The following MFSD11 variants were observed in gnomAD, a reference collection of about 807,000 sequenced individuals.
The protein encoded by MFSD11 is UNC93-like protein MFSD11.
A neutral mutation model predicts 53.5 loss-of-function variants in MFSD11; 36 were observed. The observed-to-expected ratio is 0.67, with a 90% CI of 0.52 to 0.89. The LOEUF (loss-of-function observed/expected upper bound fraction) is 0.89. MFSD11 is among the 40% of genes least tolerant of loss of function. MFSD11 has a pLI of 0.00. For missense variants in MFSD11, 530 were observed against 543.9 expected (o/e 0.97, Z 0.25); for synonymous variants, 186 against 184.9 (o/e 1.01, Z -0.05).
At chr17:76,737,062 G>C (rs1031504488), upstream of MFSD11, 2 of 1,613,216 alleles carry the variant, frequency 1.2e-6, no homozygotes, top group Admixed American at 1.7e-5. Context: ...ACTTCTCGAA[G>C]ACGCGCCTCA....
rs758045333 is a variant in MFSD11 at position 76,742,019 on chromosome 17, C to A, written c.311C>A (p.Ala104Asp). 6.2e-7 allele frequency: 1 copy of A among 1,614,142 alleles called. No individual in the cohort carries two copies. The highest frequency in any genetic ancestry group is 1.1e-5 in the South Asian group (1 of 91,084). The change falls in exon 4 of 13, where the codon GCC (alanine) becomes GAC (aspartate). Residue 104 changes from alanine (A) to aspartate (D), a missense_variant. Physicochemically the swap from Ala to Asp is moderately radical, Grantham distance 126 (BLOSUM62 -2). Coordinates refer to ENST00000685175, the MANE Select transcript of MFSD11 (RefSeq NM_001242532.5). ...IQPFPWSFYTASVFIGIAAAV... is the reference protein window; with the variant it reads ...IQPFPWSFYTDSVFIGIAAAV... ...CCTTTCCCGTGGTCCTTCTACACAG[C>A]CTCTGTTTTCATTGGAATTGCTGCT... is the stretch of plus-strand genomic sequence containing the variant.
chr17:76,744,583 A>G, intron 7 of MFSD11, 117 bp downstream of exon 7: 1 of 849,042 alleles, frequency 1.2e-6, no homozygotes, highest in Non-Finnish European at 1.7e-6. Flanking sequence ...AGGTTACCAC[A>G]GGCAAGAAAA....
chr17:76,773,061 TGG>T (rs2081510519), intron 10 of MFSD11: 1 of 152,358 alleles, frequency 6.6e-6, no homozygotes, highest in Non-Finnish European at 1.5e-5. Flanking sequence ...CTAATCCTCT[TGG>T]CTGGTTCTTT....
At position 76,776,434 on chromosome 17, in the gene MFSD11, C is replaced by T. The variant is rs778254396; in HGVS notation, c.1078C>T (p.Leu360=). The T allele has an allele frequency of 2.1e-5, 34 of 1,613,944 alleles. No individual in the cohort carries two copies. Among genetic ancestry groups the T allele is most frequent in the Non-Finnish European group, 2.7e-5 (32 of 1,180,002 alleles). Residue 360 remains leucine (L), a synonymous_variant, in exon 12 of 13, where the codon CTG becomes TTG. Coordinates refer to ENST00000685175, the MANE Select transcript of MFSD11 (RefSeq NM_001242532.5). The surrounding 1 kb of genome is among the most constrained non-coding windows in gnomAD (Gnocchi z 4.2). ...AGAAGTTGCCATTCTCTGCAGTTTT[C>T]TGTTGGGCCTTGGAGACAGCTGCTT... ...SKEVAILCSF[L]LGLGDSCFNT... is the part of the protein sequence containing the mutation.
chr17:76,797,716 T>G, the MFSD11 span, among the ~76,000 whole-genome samples: 2 of 152,028 alleles, frequency 1.3e-5, no homozygotes, highest in Non-Finnish European at 2.9e-5. Flanking sequence ...CTATTTAAGT[T>G]GGAGTTGCCC....
At chr17:76,737,416 G>A, upstream of MFSD11, 2 of 448,690 alleles carry the variant, frequency 4.5e-6, no homozygotes, top group Non-Finnish European at 7.9e-6. Flanking sequence ...CCTTCTGATT[G>A]GCCCACCGCG....
At chr17:76,767,275 G>A in intron 8 of MFSD11, 111 bp from the exon 9 acceptor site, 2 of 646,158 alleles carry the variant, frequency 3.1e-6, no homozygotes, top group Non-Finnish European at 5.5e-6. Flanking sequence ...ATCCCAAAGT[G>A]TTCGTTTACT....
chr17:76,760,662 C>T (rs2080136439), intron 8 of MFSD11, among the ~76,000 whole-genome samples: 2 of 151,832 alleles, frequency 1.3e-5, no homozygotes, highest in Non-Finnish European at 2.9e-5. Context: ...TCCTGAGTAG[C>T]TGGGATTACA....
the MFSD11 span, among the ~76,000 whole-genome samples, chr17:76,790,055 C>T: frequency 6.7e-6 from 1 of 148,302 alleles, no homozygotes; most frequent in African/African-American, 2.5e-5. Flanking sequence ...ACTCTTTTCT[C>T]TACAACTCAC....
Position 76,767,473 on chromosome 17 carries a change from T to C in MFSD11, c.748+22T>C, listed in dbSNP as rs140982202. 1,278 of 1,448,484 alleles carry C rather than the reference T, an allele frequency of 8.8e-4. 8 individuals carry two copies. The Middle Eastern group carries it at 0.017, about 19-fold the overall frequency. 89.7% of individuals were successfully genotyped at this position (1,448,484 alleles called of 1,614,324 possible). Reference sequence around the variant, plus strand: ...ACAGGTAATGGAATTACTGTTCTTATTTTCTCTTGCTGCATAATGACAATA... The same window carrying C: ...ACAGGTAATGGAATTACTGTTCTTACTTTCTCTTGCTGCATAATGACAATA... On this transcript the variant is annotated intron_variant, in intron 9 of 12. Coordinates refer to ENST00000685175, the MANE Select transcript of MFSD11 (RefSeq NM_001242532.5).
chr17:76,740,010 C>CA (rs757455563), intron 2 of MFSD11, among the ~76,000 whole-genome samples: 1,926 of 130,372 alleles, frequency 0.015, 35 homozygotes, highest in African/African-American at 0.043. Context: ...ACTAAAAATA[C>CA]AAAAAAAAAA....
At chr17:76,739,413 C>T (rs955915869) in intron 2 of MFSD11, among the ~76,000 whole-genome samples, 2 of 152,144 alleles carry the variant, frequency 1.3e-5, no homozygotes, top group African/African-American at 4.8e-5. Flanking sequence ...GATTAATATA[C>T]GTATGTCAGG....
intron 2 of MFSD11, among the ~76,000 whole-genome samples, chr17:76,739,277 AAGCACTTGGC>A (rs1438004458): frequency 2.8e-3 from 14 of 5,050 alleles, no homozygotes; most frequent in East Asian, 0.17. Context: ...AATGCATGTA[AAGCACTTGGC>A]ACAGTGCATG....
At chr17:76,738,089 G>A (rs2077669862), upstream of MFSD11, 2 of 485,784 alleles carry the variant, frequency 4.1e-6, no homozygotes, top group Non-Finnish European at 7.2e-6. Context: ...AACCTGGAGC[G>A]GATAAATTCT....
chr17:76,765,485 CAG>C (rs1381044935), intron 8 of MFSD11, among the ~76,000 whole-genome samples: 1 of 98,482 alleles, frequency 1.0e-5, no homozygotes, highest in Non-Finnish European at 1.8e-5. Flanking sequence ...TTTTTTGAGA[CAG>C]GGTGTTGCTC....
the MFSD11 span, among the ~76,000 whole-genome samples, chr17:76,787,096 A>G: frequency 1.3e-5 from 2 of 151,604 alleles, no homozygotes; most frequent in Non-Finnish European, 2.9e-5. Context: ...TGACTCTCAG[A>G]AACAGATATC....
At chr17:76,796,451 T>C in the MFSD11 span, among the ~76,000 whole-genome samples, 23 of 152,318 alleles carry the variant, frequency 1.5e-4, no homozygotes, top group South Asian at 1.2e-3. Context: ...ATCCTCGACA[T>C]TGACTAGTCT....
intron 6 of MFSD11, 96 bp downstream of exon 6, chr17:76,743,552 C>G: frequency 1.4e-6 from 1 of 717,092 alleles, no homozygotes; most frequent in Middle Eastern, 2.6e-4. Context: ...GCATCGTTCT[C>G]ATGAACCCCG....
intron 7 of MFSD11, among the ~76,000 whole-genome samples, chr17:76,746,713 G>A (rs1025724345): frequency 1.1e-4 from 16 of 152,066 alleles, no homozygotes; most frequent in African/African-American, 2.9e-4. Flanking sequence ...ATTTGTTTAC[G>A]GCATGGCTTA....
Sources: allele counts gnomAD v4.1 joint callset (sites outside exome capture counted in the v4.1 genomes callset), GRCh38; gene constraint gnomAD v4.1.1; non-coding constraint Gnocchi (gnomAD v3.1); transcripts MANE v1.5; gene names NCBI Gene and HGNC (gene_info 2026-07-23, HGNC 2026-07-21).